The following CACNB2 variants were observed in gnomAD, a reference collection of about 807,000 sequenced individuals.
CACNB2 encodes calcium voltage-gated channel auxiliary subunit beta 2, also known as voltage-dependent L-type calcium channel subunit beta-2.
In CACNB2, 42 loss-of-function variants were observed where a neutral mutation model predicts 73.3. The observed-to-expected ratio is 0.57, with a 90% CI of 0.45 to 0.74. CACNB2 has a LOEUF of 0.74. CACNB2 is among the 30% of genes least tolerant of loss of function. The pLI, the probability that CACNB2 is intolerant of heterozygous loss-of-function variation, is 0.00. For synonymous variants in CACNB2, 348 were observed against 310.3 expected (o/e 1.12, Z -1.28); for missense variants, 940 against 853.0 (o/e 1.10, Z -1.27).
At chr10:18,383,039 C>T (rs957320545) in intron 2 of CACNB2, among the ~76,000 whole-genome samples, 6 of 152,070 alleles carry the variant, frequency 3.9e-5, no homozygotes, top group Admixed American at 3.3e-4. Flanking sequence ...ATGGCATTTC[C>T]CACTGGTAGG....
intron 3 of CACNB2, among the ~76,000 whole-genome samples, chr10:18,494,933 T>C (rs2049700824): frequency 6.6e-6 from 1 of 152,102 alleles, no homozygotes; most frequent in African/African-American, 2.4e-5. Context: ...GTAAAAACTT[T>C]AAAATATTTT....
chr10:18,222,407 T>TACACACACAC (rs59165053), intron 2 of CACNB2, among the ~76,000 whole-genome samples: 11,919 of 149,804 alleles, frequency 0.08, 584 homozygotes, highest in Non-Finnish European at 0.1. Context: ...CACACACACA[T>TACACACACAC]ACACACACAC....
chr10:18,265,474 C>T (rs976487485), intron 2 of CACNB2, among the ~76,000 whole-genome samples: 3 of 152,098 alleles, frequency 2.0e-5, no homozygotes, highest in African/African-American at 7.2e-5. Context: ...AAGTATCTTG[C>T]TTCTTTTTGT....
chr10:18,209,108 G>A (rs1470533530), intron 2 of CACNB2, among the ~76,000 whole-genome samples: 2 of 152,166 alleles, frequency 1.3e-5, no homozygotes, highest in Non-Finnish European at 2.9e-5. Flanking sequence ...TGTAGGTAAT[G>A]GGCTTGACTG....
At chr10:18,346,540 T>C (rs937450638) in intron 2 of CACNB2, among the ~76,000 whole-genome samples, 5 of 152,200 alleles carry the variant, frequency 3.3e-5, no homozygotes, top group Non-Finnish European at 7.3e-5. Context: ...GTCATCACTT[T>C]TCCTTCAACC....
intron 11 of CACNB2, among the ~76,000 whole-genome samples, chr10:18,535,620 A>C (rs920038776): frequency 5.0e-4 from 75 of 149,492 alleles, no homozygotes; most frequent in African/African-American, 1.7e-3. Flanking sequence ...AAAATACAAA[A>C]AAATTAGCCG....
chr10:18,470,367 A>G lies in CACNB2; in HGVS notation c.334-27988A>G, dbSNP rs571333329. Among the ~76,000 whole-genome samples the G allele has an allele frequency of 6.7e-5, 10 of 149,110 alleles. No individual in the cohort carries two copies. The South Asian group carries it at 1.9e-3, about 28-fold the overall frequency. On this transcript the variant is annotated intron_variant, in intron 3 of 13. Coordinates refer to ENST00000324631, the MANE Select transcript of CACNB2 (RefSeq NM_201596.3). ...TATCATATAGACTGTGATATATTGC[A>G]TATATTATATATAGACTATGATATA...
chr10:18,220,283 A>AGG (rs2131391117), intron 2 of CACNB2, among the ~76,000 whole-genome samples: 1 of 134,602 alleles, frequency 7.4e-6, no homozygotes, highest in Non-Finnish European at 1.6e-5. Context: ...AGAAAGAGAG[A>AGG]GAATCTTATT....
intron 4 of CACNB2, among the ~76,000 whole-genome samples, chr10:18,500,567 G>GA (rs1180073977): frequency 6.6e-6 from 1 of 152,158 alleles, no homozygotes; most frequent in Non-Finnish European, 1.5e-5. Context: ...TGCTGCAAGG[G>GA]AATTCAGCCT....
chr10:18,514,938 C>G (rs1234747286), intron 7 of CACNB2: 1 of 1,406,346 alleles, frequency 7.1e-7, no homozygotes, highest in East Asian at 2.3e-5. Flanking sequence ...AAAAAGTATT[C>G]AAGTTTTAAT....
intron 3 of CACNB2, among the ~76,000 whole-genome samples, chr10:18,432,454 G>T (rs764037232): frequency 1.0e-4 from 2 of 19,108 alleles, no homozygotes; most frequent in Admixed American, 5.7e-4. Flanking sequence ...GTGTCTCTGT[G>T]TGTGTGTGTG....
intron 2 of CACNB2, among the ~76,000 whole-genome samples, chr10:18,247,656 T>G (rs993508619): frequency 1.3e-5 from 2 of 152,168 alleles, no homozygotes; most frequent in Non-Finnish European, 2.9e-5. Flanking sequence ...ATAGCATCAA[T>G]TGGGTGGCTT....
chr10:18,167,332 A>G (rs1307746194), intron 2 of CACNB2, among the ~76,000 whole-genome samples: 8 of 152,154 alleles, frequency 5.3e-5, no homozygotes, highest in Non-Finnish European at 5.9e-5. Context: ...GGGAGGGTCG[A>G]CAAATTACTC....
chr10:18,335,897 A>T (rs77705610), intron 2 of CACNB2, among the ~76,000 whole-genome samples: 8,416 of 151,928 alleles, frequency 0.055, 346 homozygotes, highest in Non-Finnish European at 0.087. Flanking sequence ...TATATGTTCC[A>T]TTTAGAATTT....
intron 3 of CACNB2, among the ~76,000 whole-genome samples, chr10:18,435,218 C>T (rs2046074374): frequency 6.6e-6 from 1 of 152,218 alleles, no homozygotes; most frequent in Non-Finnish European, 1.5e-5. Context: ...CTGAAAATAT[C>T]ATCCGTAGGA....
intron 10 of CACNB2, among the ~76,000 whole-genome samples, chr10:18,530,929 G>C (rs1376297972): frequency 2.0e-5 from 3 of 152,316 alleles, no homozygotes; most frequent in African/African-American, 7.2e-5. Flanking sequence ...TTTGATATGT[G>C]GCAGTGGGAA....
At position 18,260,842 on chromosome 10, in the gene CACNB2, G is replaced by T. The variant is rs140999027; in HGVS notation, c.213+109867G>T. ...TCCTGCTTTTCAAAAGCAGAGTACTGCAGGGTCGCGAAATGCAAGACACTC... is the reference window on the plus strand; with the variant it reads ...TCCTGCTTTTCAAAAGCAGAGTACTTCAGGGTCGCGAAATGCAAGACACTC... On this transcript the variant is annotated intron_variant, in intron 2 of 13. Transcript: ENST00000324631. The T allele has an allele frequency of 4.2e-4, 454 of 1,074,340 alleles. 1 individual carries two copies. In the Middle Eastern group the frequency reaches 8.9e-3, roughly 21 times the overall value. The allele number at this position is 1,074,340 out of a possible 1,614,324, so 66.6% of individuals were successfully genotyped here.
chr10:18,445,284 C>T (rs193264527), intron 3 of CACNB2, among the ~76,000 whole-genome samples: 100 of 152,202 alleles, frequency 6.6e-4, no homozygotes, highest in African/African-American at 2.1e-3. Flanking sequence ...TTACTATGTC[C>T]GATAGTTTAT....
intron 1 of CACNB2, among the ~76,000 whole-genome samples, chr10:18,146,753 T>G (rs1807306801): frequency 6.6e-6 from 1 of 152,162 alleles, no homozygotes; most frequent in Admixed American, 6.5e-5. Flanking sequence ...CCCAAAGTGC[T>G]GGGATGACAG....
Sources: allele counts gnomAD v4.1 joint callset (sites outside exome capture counted in the v4.1 genomes callset), GRCh38; gene constraint gnomAD v4.1.1; transcripts MANE v1.5; gene names NCBI Gene and HGNC (gene_info 2026-07-23, HGNC 2026-07-21).